Variants in RNF38 observed in about 807,000 individuals in gnomAD.
RNF38 encodes E3 ubiquitin-protein ligase RNF38.
Under a neutral mutation model 67.2 loss-of-function variants are expected in RNF38, and 15 were observed. That is an observed-to-expected ratio of 0.22 (90% CI 0.15 to 0.34). The LOEUF (loss-of-function observed/expected upper bound fraction) is 0.34, where lower values mean the gene tolerates loss of function less well. RNF38 is among the 10% of genes least tolerant of loss of function. The probability of loss-of-function intolerance (pLI) is 1.00; values close to 1 mark genes in which losing one functional copy is unlikely to be tolerated. For missense variants in RNF38, 524 were observed against 639.9 expected, an observed-to-expected ratio of 0.82 and a Z score of 1.95; for synonymous variants, 220 against 218.8, an observed-to-expected ratio of 1.01 and a Z score of -0.05.
At chr9:36,393,736 T>G (rs1361912110) in intron 1 of RNF38, among the ~76,000 whole-genome samples, 1 of 152,132 alleles carries the variant, frequency 6.6e-6, no homozygotes, top group Non-Finnish European at 1.5e-5. Flanking sequence ...TTATCCTGGG[T>G]GAGCCTGGGC....
At chr9:36,367,090 G>A (rs1302029530) in intron 4 of RNF38, among the ~76,000 whole-genome samples, 1 of 152,094 alleles carries the variant, frequency 6.6e-6, no homozygotes, top group East Asian at 1.9e-4. Flanking sequence ...ACGCAGGAAG[G>A]GTCTCCTATA....
At chr9:36,382,158 A>G (rs1366941790) in intron 2 of RNF38, among the ~76,000 whole-genome samples, 1 of 152,218 alleles carries the variant, frequency 6.6e-6, no homozygotes, top group Non-Finnish European at 1.5e-5. Flanking sequence ...CAACTTTTCA[A>G]AGTACCAAGT....
At chr9:36,433,406 A>G (rs557242279) in intron 1 of RNF38, among the ~76,000 whole-genome samples, 2 of 152,064 alleles carry the variant, frequency 1.3e-5, no homozygotes, top group East Asian at 1.9e-4. Context: ...ATATACACCT[A>G]CTAGGTACCC....
At chr9:36,481,656 A>T (rs1025059409) in intron 1 of RNF38, among the ~76,000 whole-genome samples, 3 of 152,188 alleles carry the variant, frequency 2.0e-5, no homozygotes, top group African/African-American at 7.2e-5. Flanking sequence ...ATAATAATAA[A>T]AAAGACAACA....
Position 36,337,268 on chromosome 9 carries a change from G to GCAAGT in RNF38, c.*2479_*2483dup, listed in dbSNP as rs1832518695. ...TCCTGATACACACTAACCACAATAA[G>GCAAGT]CAAGTCTGCACACATCTCTATGAGC... On this transcript the variant is annotated 3_prime_UTR_variant, in exon 12 of 12. Coordinates refer to ENST00000259605, the MANE Select transcript of RNF38 (RefSeq NM_022781.5). 1 of 152,272 alleles carries GCAAGT rather than the reference G, an allele frequency of 6.6e-6. No homozygotes were observed. The highest frequency in any genetic ancestry group is 2.4e-5 in the African/African-American group (1 of 41,408). 9.4% of individuals were successfully genotyped at this position (152,272 alleles called of 1,614,324 possible).
intron 1 of RNF38, among the ~76,000 whole-genome samples, chr9:36,431,125 C>G (rs148747010): frequency 6.6e-6 from 1 of 152,158 alleles, no homozygotes; most frequent in South Asian, 2.1e-4. Flanking sequence ...GTTCCCAACA[C>G]CCCTTCTTCT....
At chr9:36,427,563 C>T (rs530046513) in intron 1 of RNF38, among the ~76,000 whole-genome samples, 109 of 152,254 alleles carry the variant, frequency 7.2e-4, no homozygotes, top group Admixed American at 3.3e-3. Flanking sequence ...ACCCTTTTGC[C>T]TTGTGAGGAC....
At chr9:36,417,220 T>C (rs1838498697) in intron 2 of RNF38, among the ~76,000 whole-genome samples, 1 of 152,188 alleles carries the variant, frequency 6.6e-6, no homozygotes, top group Non-Finnish European at 1.5e-5. Flanking sequence ...TCACAGCTTT[T>C]GGCTGTCTCA....
chr9:36,429,769 G>T (rs1838880873), intron 1 of RNF38, among the ~76,000 whole-genome samples: 1 of 152,214 alleles, frequency 6.6e-6, no homozygotes, highest in East Asian at 1.9e-4. Flanking sequence ...ACTCCAGCCT[G>T]GGCAACAGAG....
intron 1 of RNF38, among the ~76,000 whole-genome samples, chr9:36,454,804 G>C (rs1839546341): frequency 6.6e-6 from 1 of 151,730 alleles, no homozygotes; most frequent in Non-Finnish European, 1.5e-5. Context: ...GGCTGGTCTT[G>C]AACTCCTGAC....
At chr9:36,466,612 T>C (rs934952244) in intron 1 of RNF38, among the ~76,000 whole-genome samples, 7 of 152,154 alleles carry the variant, frequency 4.6e-5, no homozygotes, top group African/African-American at 1.7e-4. Context: ...AAAATAAATT[T>C]ATAAATACTG....
At chr9:36,374,966 C>T (rs1347382446) in intron 3 of RNF38, among the ~76,000 whole-genome samples, 1 of 152,154 alleles carries the variant, frequency 6.6e-6, no homozygotes, top group Non-Finnish European at 1.5e-5. Context: ...GCAACACCTT[C>T]CTAACTCAAG....
chr9:36,424,424 G>A (rs1015190819), intron 2 of RNF38, among the ~76,000 whole-genome samples: 3 of 152,154 alleles, frequency 2.0e-5, no homozygotes, highest in African/African-American at 7.2e-5. Context: ...CTCGGGTTGA[G>A]GAATTTGCCC....
Position 36,361,454 on chromosome 9 carries a change from C to T in RNF38, c.571-3512G>A, listed in dbSNP as rs557128786. Among the ~76,000 whole-genome samples, 115 of 152,142 alleles carry T rather than the reference C, an allele frequency of 7.6e-4. 2 individuals carry two copies. In the South Asian group the frequency reaches 0.022, roughly 29 times the overall value. On this transcript the variant is annotated intron_variant, in intron 4 of 11. Transcript: ENST00000259605. Reference sequence around the variant, plus strand: ...CTGGGATTATAGACGTGAGCCACCACGTCTGGCCAGATTGTATAGCCATTT... The same window carrying T: ...CTGGGATTATAGACGTGAGCCACCATGTCTGGCCAGATTGTATAGCCATTT...
At chr9:36,368,515 A>G (rs1032011390) in intron 4 of RNF38, among the ~76,000 whole-genome samples, 2 of 152,194 alleles carry the variant, frequency 1.3e-5, no homozygotes, top group African/African-American at 4.8e-5. Flanking sequence ...GGACTTTGTA[A>G]ACACTTTCCT....
intron 1 of RNF38, among the ~76,000 whole-genome samples, chr9:36,452,034 T>A (rs1341420223): frequency 6.6e-6 from 1 of 151,876 alleles, no homozygotes; most frequent in Non-Finnish European, 1.5e-5. Context: ...CTGGGCCACA[T>A]AGTGAGATCC....
At chr9:36,463,752 G>A (rs1216569233) in intron 1 of RNF38, among the ~76,000 whole-genome samples, 1 of 152,178 alleles carries the variant, frequency 6.6e-6, no homozygotes, top group African/African-American at 2.4e-5. Context: ...ATGCTTTCCA[G>A]TCTGTCTATT....
At chr9:36,423,367 A>C (rs1366955018) in intron 2 of RNF38, among the ~76,000 whole-genome samples, 1 of 152,206 alleles carries the variant, frequency 6.6e-6, no homozygotes, top group Non-Finnish European at 1.5e-5. Flanking sequence ...CATTTGGAAA[A>C]TCCCAATTAT....
chr9:36,384,892 T>C (rs1362221378), intron 2 of RNF38, among the ~76,000 whole-genome samples: 2 of 152,198 alleles, frequency 1.3e-5, no homozygotes, highest in Non-Finnish European at 1.5e-5. Context: ...CTAACGAATA[T>C]ACAGTGCAGT....
Sources: allele counts gnomAD v4.1 joint callset (sites outside exome capture counted in the v4.1 genomes callset), GRCh38; gene constraint gnomAD v4.1.1; transcripts MANE v1.5; gene names NCBI Gene and HGNC (gene_info 2026-07-23, HGNC 2026-07-21).